Variants in ZFHX3 observed in about 807,000 individuals in gnomAD.
ZFHX3 encodes the protein zinc finger homeobox 3.
ZFHX3 carries 42 observed loss-of-function variants against 279.1 expected under a neutral mutation model. The observed-to-expected ratio is 0.15, with a 90% CI of 0.12 to 0.19. The LOEUF is 0.19. Among genes scored for constraint, ZFHX3 ranks in the 10% least tolerant of loss-of-function variants. The pLI, the probability that ZFHX3 is intolerant of heterozygous loss-of-function variation, is 1.00. For missense variants in ZFHX3, 4,981 were observed against 4,754.0 expected (o/e 1.05, Z -1.40); for synonymous variants, 2,293 against 1,957.8 (o/e 1.17, Z -4.52).
chr16:73,888,320 A>G (rs146924563), intron 1 of ZFHX3, among the ~76,000 whole-genome samples: 3,701 of 152,148 alleles, frequency 0.024, 153 homozygotes, highest in African/African-American at 0.084. Flanking sequence ...CCACGGAAAC[A>G]TAATTTTTAT....
chr16:73,647,719 C>G (rs2052633438), intron 2 of ZFHX3, among the ~76,000 whole-genome samples: 1 of 150,624 alleles, frequency 6.6e-6, no homozygotes, highest in Non-Finnish European at 1.5e-5. Context: ...AGTTTAGAGT[C>G]AAGAAAAGCA....
At chr16:72,901,655 C>T (rs2039039500) in intron 3 of ZFHX3, among the ~76,000 whole-genome samples, 1 of 152,140 alleles carries the variant, frequency 6.6e-6, no homozygotes. Context: ...CATTTGTTTT[C>T]TGGAAGGTTG....
chr16:73,575,942 G>T (rs2051794762), intron 2 of ZFHX3, among the ~76,000 whole-genome samples: 2 of 152,142 alleles, frequency 1.3e-5, no homozygotes, highest in Admixed American at 1.3e-4. Context: ...TACCATGGGA[G>T]ATGTACACAC....
intron 3 of ZFHX3, among the ~76,000 whole-genome samples, chr16:73,319,562 G>T (rs77346655): frequency 6.6e-6 from 1 of 151,956 alleles, no homozygotes; most frequent in Non-Finnish European, 1.5e-5. Flanking sequence ...CTCAGGGGCG[G>T]GGGGTTGGTT....
At chr16:73,505,496 T>A (rs1424144597) in intron 2 of ZFHX3, among the ~76,000 whole-genome samples, 1 of 151,932 alleles carries the variant, frequency 6.6e-6, no homozygotes, top group East Asian at 1.9e-4. Flanking sequence ...CTAAGAAACC[T>A]GTCCGTTAAC....
chr16:73,344,155 G>A (rs2016084218), intron 3 of ZFHX3, among the ~76,000 whole-genome samples: 1 of 152,134 alleles, frequency 6.6e-6, no homozygotes, highest in African/African-American at 2.4e-5. Context: ...TAGCACCTCA[G>A]CCAAGTCATT....
At position 72,787,870 on chromosome 16, in the gene ZFHX3, T is replaced by C; in HGVS notation, c.10406A>G (p.Lys3469Arg). 6.2e-7 allele frequency: 1 copy of C among 1,613,944 alleles called. No individual in the cohort carries two copies. Among genetic ancestry groups the C allele is most frequent in the Non-Finnish European group, 8.5e-7 (1 of 1,180,014 alleles). The change falls in exon 10 of 10, where the codon AAG (lysine) becomes AGG (arginine). Residue 3469 changes from lysine (K) to arginine (R), a missense_variant. Lys to Arg is a conservative substitution (Grantham distance 26, BLOSUM62 2). Around this residue, in one of 7 missense-constraint regions of ZFHX3, gnomAD observed 1,034 missense variants for 786.0 expected, o/e 1.32. Transcript: ENST00000268489. ...PKVQYKLVCR[K>R]CQAGFSDEEA... ...CTCGTCGCTGAAGCCCGCCTGGCAC[T>C]TGCGGCAGACCAACTTGTACTGCAC...
At chr16:73,358,153 GA>G (rs756727639) in intron 3 of ZFHX3, among the ~76,000 whole-genome samples, 2 of 152,238 alleles carry the variant, frequency 1.3e-5, no homozygotes, top group Non-Finnish European at 2.9e-5. Flanking sequence ...GCTTTGTACG[GA>G]TTTGTGCTAG....
intron 2 of ZFHX3, among the ~76,000 whole-genome samples, chr16:73,456,536 CT>C (rs2018374579): frequency 6.6e-6 from 1 of 152,192 alleles, no homozygotes. Context: ...ACGCTTACCA[CT>C]AACGACTTGC....
At chr16:73,576,330 T>C (rs1165499948) in intron 2 of ZFHX3, among the ~76,000 whole-genome samples, 1 of 152,174 alleles carries the variant, frequency 6.6e-6, no homozygotes, top group Non-Finnish European at 1.5e-5. Context: ...TCTCAGCTAA[T>C]TAATGCGAGG....
intron 3 of ZFHX3, among the ~76,000 whole-genome samples, chr16:72,946,733 G>A (rs1960697607): frequency 6.6e-6 from 1 of 152,200 alleles, no homozygotes; most frequent in Non-Finnish European, 1.5e-5. Flanking sequence ...CAGAGGGCAA[G>A]CATGTGTCAG....
intron 1 of ZFHX3, among the ~76,000 whole-genome samples, chr16:73,729,959 A>T (rs1373218328): frequency 1.3e-5 from 2 of 152,218 alleles, no homozygotes; most frequent in African/African-American, 4.8e-5. Flanking sequence ...GAATAACTTC[A>T]AGTTTGATCA....
intron 3 of ZFHX3, among the ~76,000 whole-genome samples, chr16:72,929,258 G>A (rs941347555): frequency 1.3e-5 from 2 of 149,702 alleles, no homozygotes; most frequent in Admixed American, 6.7e-5. Context: ...AAAAAAAAAA[G>A]AGTGAGGTAA....
chr16:73,117,436 A>G (rs968215188), intron 7 of ZFHX3, among the ~76,000 whole-genome samples: 4 of 152,262 alleles, frequency 2.6e-5, no homozygotes, highest in African/African-American at 4.8e-5. Context: ...CAGGTGAAGC[A>G]TAGAGATTTG....
rs1176133657 is a variant in ZFHX3, at chr16:73,038,122, T to C, written c.-50+9630A>G. On this transcript the variant is annotated intron_variant, in intron 1 of 9. Transcript: ENST00000268489. ...CCTCTTTCCAGTCACAGCTGTGGAC[T>C]TTCATCCCCTTGTCCAACAAAAGGG... Among the ~76,000 whole-genome samples the C allele has an allele frequency of 2.6e-5, 4 of 152,212 alleles. No individual in the cohort carries two copies. In the East Asian group the frequency reaches 7.7e-4, roughly 29 times the overall value.
At chr16:73,423,765 G>A (rs1416162017) in intron 3 of ZFHX3, among the ~76,000 whole-genome samples, 2 of 152,006 alleles carry the variant, frequency 1.3e-5, no homozygotes, top group Non-Finnish European at 2.9e-5. Flanking sequence ...AGTGGGCTGA[G>A]GCAGGAGAAT....
rs923874441 is a variant in ZFHX3, at chr16:73,107,288, C to T, written c.-896-13690G>A. Among the ~76,000 whole-genome samples, 26 of 151,348 alleles carry T rather than the reference C, an allele frequency of 1.7e-4. 1 individual carries two copies. The highest frequency in any genetic ancestry group is 5.8e-4 in the East Asian group (3 of 5,150). ...TCATGCCACTGCACTCCAGACTGGA[C>T]GACAGAGCAAGACTCTGTCTCAAAA... On this transcript the variant is annotated intron_variant, in intron 7 of 17. Coordinates refer to the ZFHX3 transcript ENST00000641206.
intron 1 of ZFHX3, among the ~76,000 whole-genome samples, chr16:73,765,741 C>T (rs1165293137): frequency 6.6e-6 from 1 of 152,160 alleles, no homozygotes. Context: ...TTGAGTTCCA[C>T]AAAAAATAAT....
chr16:73,574,291 GTGACTATGCCTCCAT>G (rs1459106363), intron 2 of ZFHX3, among the ~76,000 whole-genome samples: 1 of 152,054 alleles, frequency 6.6e-6, no homozygotes, highest in African/African-American at 2.4e-5. Flanking sequence ...ATCCAGATAT[GTGACTATGCCTCCAT>G]TGTAACGGAC....
Sources: allele counts gnomAD v4.1 joint callset (sites outside exome capture counted in the v4.1 genomes callset), GRCh38; gene constraint gnomAD v4.1.1; regional missense constraint gnomAD v4.1.1; transcripts MANE v1.5; gene names NCBI Gene and HGNC (gene_info 2026-07-23, HGNC 2026-07-21).